The following CMKLR2 variants were observed in gnomAD, a reference collection of about 807,000 sequenced individuals.
CMKLR2 encodes chemerin chemokine-like receptor 2.
A neutral mutation model predicts 23.0 loss-of-function variants in CMKLR2; 18 were observed. The ratio of observed to expected loss-of-function variants is 0.78; its 90% CI spans 0.54 to 1.16. CMKLR2 has a LOEUF of 1.16. CMKLR2 is among the 50% of genes most tolerant of loss of function. CMKLR2 has a pLI of 0.00. For synonymous variants in CMKLR2, 158 were observed against 158.9 expected (o/e 0.99, Z 0.05); for missense variants, 401 against 412.7 (o/e 0.97, Z 0.25).
chr2:206,209,941 C>T (rs1204373155), intron 1 of CMKLR2, among the ~76,000 whole-genome samples: 6 of 151,148 alleles, frequency 4.0e-5, no homozygotes. Flanking sequence ...AGCCACTGCG[C>T]CCGGCCCTTT....
chr2:206,204,733 C>CT (rs1409411535), intron 1 of CMKLR2, among the ~76,000 whole-genome samples: 1 of 151,794 alleles, frequency 6.6e-6, no homozygotes, highest in Non-Finnish European at 1.5e-5. Flanking sequence ...TTTGTGGGTA[C>CT]TTTTGATGGC....
intron 1 of CMKLR2, among the ~76,000 whole-genome samples, chr2:206,196,076 C>T (rs1376075370): frequency 1.3e-5 from 2 of 150,850 alleles, no homozygotes; most frequent in African/African-American, 4.9e-5. Context: ...AATCCTTCTT[C>T]AAAAGTGCTT....
Position 206,176,809 on chromosome 2 carries a change from G to A in CMKLR2, c.439C>T (p.Arg147Trp), listed in dbSNP as rs763256948. 5.0e-5 allele frequency: 80 copies of A among 1,613,998 alleles called. 1 individual carries two copies. The highest frequency in any genetic ancestry group is 3.5e-4 in the South Asian group (32 of 91,088). The change falls in exon 2 of 2, where the codon CGG (arginine) becomes TGG (tryptophan). Residue 147 changes from arginine to tryptophan, a missense_variant. Coordinates refer to ENST00000621141, the MANE Select transcript of CMKLR2 (RefSeq NM_001389445.1). ...AGAGAGTTCTTGAGGGTTCGATGCCGATGAGATAAGACAGGATGGATCAAG... is the reference window on the plus strand; with the variant it reads ...AGAGAGTTCTTGAGGGTTCGATGCCAATGAGATAAGACAGGATGGATCAAG... Reference protein sequence around the residue: ...IHLIHPVLSHRHRTLKNSLIV... With the variant: ...IHLIHPVLSHWHRTLKNSLIV...
At chr2:206,208,626 TATATAA>T (rs1689426729) in intron 1 of CMKLR2, among the ~76,000 whole-genome samples, 1 of 152,040 alleles carries the variant, frequency 6.6e-6, no homozygotes. Flanking sequence ...AATATTTACA[TATATAA>T]ATATATGTAA....
At position 206,176,814 on chromosome 2, in the gene CMKLR2, G is replaced by C. The variant is rs993078046; in HGVS notation, c.434C>G (p.Ser145Cys). 1.2e-6 allele frequency: 2 copies of C among 1,614,036 alleles called. No homozygotes were observed. Among genetic ancestry groups the C allele is most frequent in the Non-Finnish European group, 1.7e-6 (2 of 1,180,040 alleles). Residue 145 changes from serine (S) to cysteine (C), a missense_variant, in exon 2 of 2, where the codon TCT (serine) becomes TGT (cysteine). Coordinates refer to ENST00000621141, the MANE Select transcript of CMKLR2 (RefSeq NM_001389445.1). ...HYIHLIHPVL[S>C]HRHRTLKNSL... ...GTTCTTGAGGGTTCGATGCCGATGA[G>C]ATAAGACAGGATGGATCAAGTGGAT...
At chr2:206,189,091 T>A (rs544015399) in intron 1 of CMKLR2, among the ~76,000 whole-genome samples, 7 of 152,194 alleles carry the variant, frequency 4.6e-5, no homozygotes, top group Non-Finnish European at 8.8e-5. Flanking sequence ...TTCTGTATTG[T>A]TGAGTTAGAT....
intron 1 of CMKLR2, among the ~76,000 whole-genome samples, chr2:206,196,794 C>T (rs900047247): frequency 4.6e-5 from 7 of 152,198 alleles, no homozygotes; most frequent in Non-Finnish European, 7.3e-5. Context: ...GTTAAAGTCA[C>T]TGCAGGATGA....
chr2:206,181,059 CTTA>C (rs967518690), intron 1 of CMKLR2, among the ~76,000 whole-genome samples: 7 of 150,028 alleles, frequency 4.7e-5, no homozygotes, highest in African/African-American at 9.8e-5. Flanking sequence ...CATGCCCGGA[CTTA>C]TTATTATTAT....
intron 1 of CMKLR2, among the ~76,000 whole-genome samples, chr2:206,184,823 C>T (rs1260106824): frequency 6.6e-6 from 1 of 152,184 alleles, no homozygotes; most frequent in East Asian, 1.9e-4. Flanking sequence ...CTAAATAAGA[C>T]AGACAACTAT....
Position 206,176,788 on chromosome 2 carries a change from A to T in CMKLR2, c.460T>A (p.Ser154Thr). 1.2e-6 allele frequency: 2 copies of T among 1,614,136 alleles called. No homozygotes were observed. Among genetic ancestry groups the T allele is most frequent in the Non-Finnish European group, 1.7e-6 (2 of 1,180,018 alleles). Residue 154 changes from serine to threonine, a missense_variant, in exon 2 of 2, where the codon TCT (serine) becomes ACT (threonine). Ser to Thr is a moderately conservative substitution (Grantham distance 58, BLOSUM62 1). Coordinates refer to ENST00000621141, the MANE Select transcript of CMKLR2 (RefSeq NM_001389445.1). The part of the protein sequence containing the change: ...LSHRHRTLKN[S>T]LIVIIFIWLL... ...CAGATGAATATAATGACAATCAGAG[A>T]GTTCTTGAGGGTTCGATGCCGATGA...
chr2:206,189,662 G>A (rs1688690489), intron 1 of CMKLR2, among the ~76,000 whole-genome samples: 1 of 151,330 alleles, frequency 6.6e-6, no homozygotes, highest in Admixed American at 6.6e-5. Flanking sequence ...GAAAAGAAAA[G>A]AATGAATAGA....
At chr2:206,191,505 A>C (rs1019321451) in intron 1 of CMKLR2, among the ~76,000 whole-genome samples, 15 of 152,194 alleles carry the variant, frequency 9.9e-5, no homozygotes, top group African/African-American at 3.4e-4. Context: ...AAAAATACTG[A>C]ATCTGCATGG....
intron 1 of CMKLR2, among the ~76,000 whole-genome samples, chr2:206,200,561 C>CA (rs1027060464): frequency 2.0e-5 from 3 of 152,314 alleles, no homozygotes; most frequent in African/African-American, 7.2e-5. Flanking sequence ...AAAACAGTCA[C>CA]AAAATGTCTT....
intron 1 of CMKLR2, among the ~76,000 whole-genome samples, chr2:206,184,422 G>A (rs1001263387): frequency 1.3e-5 from 2 of 151,430 alleles, no homozygotes; most frequent in Non-Finnish European, 2.9e-5. Flanking sequence ...TCAGCCTCCT[G>A]AGTAGCTGGG....
Position 206,176,728 on chromosome 2 carries a change from ACAGGG to A in CMKLR2, c.515_519del (p.Ala172ValfsTer10). The A allele has an allele frequency of 6.2e-7, 1 of 1,614,204 alleles. No homozygotes were observed. Among genetic ancestry groups the A allele is most frequent in the South Asian group, 1.1e-5 (1 of 91,086 alleles). On this transcript the variant is annotated frameshift_variant, in exon 2 of 2. Coordinates refer to ENST00000621141, the MANE Select transcript of CMKLR2 (RefSeq NM_001389445.1). LOFTEE classifies it high-confidence loss of function. ...TTGAACTCCACAGTGTCCCGGAAGT[ACAGGG>A]CAGGACCGCCAATTAGAGAAGCCAA...
intron 1 of CMKLR2, among the ~76,000 whole-genome samples, chr2:206,200,281 G>T (rs1421504256): frequency 3.3e-5 from 5 of 152,072 alleles, no homozygotes; most frequent in Admixed American, 3.3e-4. Flanking sequence ...AAATTAGCTG[G>T]GCCTGGTGAC....
At chr2:206,210,077 C>T (rs1689495954) in intron 1 of CMKLR2, among the ~76,000 whole-genome samples, 2 of 151,806 alleles carry the variant, frequency 1.3e-5, no homozygotes, top group Non-Finnish European at 2.9e-5. Context: ...AATTCTCGTG[C>T]CTCAGCCTCC....
At position 206,175,426 on chromosome 2, in the gene CMKLR2, CA is replaced by C. The variant is rs1218211888; in HGVS notation, c.*753del. On this transcript the variant is annotated 3_prime_UTR_variant, in exon 2 of 2. Coordinates refer to ENST00000621141, the MANE Select transcript of CMKLR2 (RefSeq NM_001389445.1). ...AAAATGTGTCTAGCAGGTTATTGTA[CA>C]AAATTAAAATGAATTTAAGAATACA... is the stretch of plus-strand genomic sequence containing the variant. 1 of 152,120 alleles carries C rather than the reference CA, an allele frequency of 6.6e-6. No individual in the cohort carries two copies. The highest frequency in any genetic ancestry group is 1.5e-5 in the Non-Finnish European group (1 of 68,032). 9.4% of individuals were successfully genotyped at this position (152,120 alleles called of 1,614,324 possible). A position where few individuals can be genotyped will look rare whatever the true frequency, so the allele number is the denominator to read the frequency against.
chr2:206,201,727 T>G (rs572819042), intron 1 of CMKLR2, among the ~76,000 whole-genome samples: 3 of 152,280 alleles, frequency 2.0e-5, no homozygotes, highest in African/African-American at 7.2e-5. Flanking sequence ...CAATTCTACT[T>G]GAACTGATCA....
Sources: allele counts gnomAD v4.1 joint callset (sites outside exome capture counted in the v4.1 genomes callset), GRCh38; gene constraint gnomAD v4.1.1; transcripts MANE v1.5; gene names NCBI Gene and HGNC (gene_info 2026-07-23, HGNC 2026-07-21).